Variants in LAMB1 observed in about 807,000 individuals in gnomAD.
LAMB1 encodes the protein laminin subunit beta 1, also known as laminin subunit beta-1.
A neutral mutation model predicts 222.3 loss-of-function variants in LAMB1; 121 were observed. The ratio of observed to expected loss-of-function variants is 0.54; its 90% CI spans 0.47 to 0.63. LAMB1 has a LOEUF of 0.63. LAMB1 is among the 30% of genes least tolerant of loss of function. LAMB1 has a pLI of 0.00. For missense variants in LAMB1, 2,172 were observed against 2,240.8 expected, an observed-to-expected ratio of 0.97 and a Z score of 0.62; for synonymous variants, 794 against 807.2, an observed-to-expected ratio of 0.98 and a Z score of 0.28.
In LAMB1 at chr7:107,996,760, C is replaced by T. The variant is rs1384080098; in HGVS notation, c.349+1597G>A. 3.3e-5 allele frequency among the ~76,000 whole-genome samples: 5 copies of T among 152,222 alleles called. No homozygotes were observed. In the East Asian group the frequency reaches 9.6e-4, roughly 29 times the overall value. ...AACTAAGAAAAACCTTCCTCTAGAA[C>T]TACAGCACATGATAAACTGTTTCAC... On this transcript the variant is annotated intron_variant, in intron 4 of 33. Coordinates refer to ENST00000222399, the MANE Select transcript of LAMB1 (RefSeq NM_002291.3).
In LAMB1 at chr7:108,001,825, G is replaced by A. The variant is rs2034393323; in HGVS notation, c.38-92C>T. ...CAAGCGGGGGCGGGGGAGTGGGTGCGGAGAGAGGACAGTCCATTCGGAAGA... is the reference window on the plus strand; with the variant it reads ...CAAGCGGGGGCGGGGGAGTGGGTGCAGAGAGAGGACAGTCCATTCGGAAGA... On this transcript the variant is annotated intron_variant, in intron 2 of 33. Coordinates refer to ENST00000222399, the MANE Select transcript of LAMB1 (RefSeq NM_002291.3). 4 of 1,559,676 alleles carry A rather than the reference G, an allele frequency of 2.6e-6. No homozygotes were observed. In the East Asian group the frequency reaches 7.1e-5, roughly 28 times the overall value.
chr7:107,986,305 C>A lies in LAMB1; in HGVS notation c.482G>T (p.Gly161Val), dbSNP rs752688537. 6.2e-7 allele frequency: 1 copy of A among 1,612,010 alleles called. No homozygotes were observed. Among genetic ancestry groups the A allele is most frequent in the South Asian group, 1.1e-5 (1 of 90,928 alleles). ...ERSSDFGKTW[G>V]VYRYFAYDCE... ...GTCATAGGCGAAGTATCTATACACA[C>A]CCCAGGTTTTCCCAAAGTCGGACGA... The change falls in exon 6 of 34, where the codon GGT (glycine) becomes GTT (valine). Residue 161 changes from glycine (G) to valine (V), a missense_variant. Coordinates refer to ENST00000222399, the MANE Select transcript of LAMB1 (RefSeq NM_002291.3).
At position 107,975,881 on chromosome 7, in the gene LAMB1, C is replaced by T. The variant is rs369890898; in HGVS notation, c.1001-4G>A. ...GAATGTTCATTGCAGTTACATTCTG[C>T]GTGACAAGAGCAACGTCAAGAAAAG... On this transcript the variant is annotated splice_region_variant and splice_polypyrimidine_tract_variant and intron_variant, in intron 9 of 33. Transcript: ENST00000222399. 39 of 1,611,644 alleles carry T rather than the reference C, an allele frequency of 2.4e-5. No individual in the cohort carries two copies. Among genetic ancestry groups the T allele is most frequent in the Middle Eastern group, 3.3e-4 (2 of 6,074 alleles).
chr7:107,932,410 C>G, intron 27 of LAMB1, 33 bp from the exon 28 acceptor site: 2 of 1,606,058 alleles, frequency 1.2e-6, no homozygotes, highest in Non-Finnish European at 8.5e-7. Context: ...CACAATACTT[C>G]GGATAGTGAA....
At position 107,986,289 on chromosome 7, in the gene LAMB1, G is replaced by T. The variant is rs766542299; in HGVS notation, c.498C>A (p.Phe166Leu). 6.2e-7 allele frequency: 1 copy of T among 1,613,932 alleles called. No individual in the cohort carries two copies. Among genetic ancestry groups the T allele is most frequent in the African/African-American group, 1.3e-5 (1 of 74,896 alleles). ...FGKTWGVYRY[F>L]AYDCEASFPG... Reference sequence around the variant, plus strand: ...GAAACGAGGCCTCACAGTCATAGGCGAAGTATCTATACACACCCCAGGTTT... The same window carrying T: ...GAAACGAGGCCTCACAGTCATAGGCTAAGTATCTATACACACCCCAGGTTT... Residue 166 changes from phenylalanine (F) to leucine (L), a missense_variant, in exon 6 of 34, where the codon TTC becomes TTA. Coordinates refer to ENST00000222399, the MANE Select transcript of LAMB1 (RefSeq NM_002291.3).
rs1563002475 is a variant in LAMB1, at chr7:107,980,791, A to G, written c.697T>C (p.Leu233=). 1 of 1,608,280 alleles carries G rather than the reference A, an allele frequency of 6.2e-7. No individual in the cohort carries two copies. The highest frequency in any genetic ancestry group is 8.5e-7 in the Non-Finnish European group (1 of 1,175,030). ...TGCAGTTTCACAAACTTGATTCTCA[A>G]GTTGGTAATTTTTAATAAATCTAGG... is the stretch of plus-strand genomic sequence containing the variant. ...RIQNLLKITN[L]RIKFVKLHTL... Residue 233 remains leucine, a synonymous_variant, in exon 8 of 34, where the codon TTG becomes CTG. Transcript: ENST00000222399.
At chr7:107,987,260 G>C (rs571450836) in intron 5 of LAMB1, among the ~76,000 whole-genome samples, 48 of 152,288 alleles carry the variant, frequency 3.2e-4, no homozygotes, top group African/African-American at 1.2e-3. Context: ...TAAGTAGACA[G>C]AGACACAAAG....
At chr7:107,948,606 G>T (rs2033178791) in intron 24 of LAMB1, among the ~76,000 whole-genome samples, 2 of 152,196 alleles carry the variant, frequency 1.3e-5, no homozygotes, top group South Asian at 4.1e-4. Flanking sequence ...TACGAATGAT[G>T]TATACATATA....
At position 107,961,228 on chromosome 7, in the gene LAMB1, C is replaced by T. The variant is rs1372341399; in HGVS notation, c.2087G>A (p.Ser696Asn). Residue 696 changes from serine (S) to asparagine (N), a missense_variant, in exon 17 of 34, where the codon AGC becomes AAC. Coordinates refer to ENST00000222399, the MANE Select transcript of LAMB1 (RefSeq NM_002291.3). Reference sequence around the variant, plus strand: ...TACAGAATCGATCAGCGTGTAGGGGCTCTCCACGTCGCTATCAGAGGAGGT... The same window carrying T: ...TACAGAATCGATCAGCGTGTAGGGGTTCTCCACGTCGCTATCAGAGGAGGT... ...QYTSSDSDVE[S>N]PYTLIDSLVL... 6.2e-7 allele frequency: 1 copy of T among 1,613,980 alleles called. No homozygotes were observed. The highest frequency in any genetic ancestry group is 8.5e-7 in the Non-Finnish European group (1 of 1,179,978).
chr7:107,924,492 A>C, intron 32 of LAMB1, 103 bp from the exon 33 acceptor site: 1 of 802,908 alleles, frequency 1.2e-6, no homozygotes, highest in Non-Finnish European at 1.8e-6. Context: ...ATTAAGGGCC[A>C]CCAAGGATAT....
chr7:107,975,515 C>T (rs1238417954), intron 10 of LAMB1, 102 bp from the exon 11 acceptor site: 27 of 1,304,482 alleles, frequency 2.1e-5, no homozygotes, highest in Middle Eastern at 1.9e-4. Context: ...TCACAAAAGT[C>T]GACTAAAAGC....
intron 12 of LAMB1, among the ~76,000 whole-genome samples, chr7:107,973,793 G>A (rs1204830789): frequency 6.6e-6 from 1 of 152,040 alleles, no homozygotes; most frequent in Non-Finnish European, 1.5e-5. Context: ...TTACAGGCAT[G>A]TGCCACCACA....
Position 107,959,468 on chromosome 7 carries a change from T to C in LAMB1, c.2471A>G (p.His824Arg), listed in dbSNP as rs566212054. 1.9e-6 allele frequency: 3 copies of C among 1,614,108 alleles called. No homozygotes were observed. The Admixed American group carries it at 5.0e-5, about 27-fold the overall frequency. The change falls in exon 20 of 34, where the codon CAT becomes CGT. Residue 824 changes from histidine to arginine, a missense_variant. Physicochemically the swap from His to Arg is conservative, Grantham distance 29. Transcript: ENST00000222399. The stretch of plus-strand genomic sequence containing the variant: ...GAAGGCATTGACAGATCCTTGCAGA[T>C]GGCACTCACAAGCTAAAGAAACAGG... ...GPSGCKPCEC[H>R]LQGSVNAFCN...
rs1373576941 is a variant in LAMB1 at position 107,986,225 on chromosome 7, T to C, written c.562A>G (p.Ile188Val). 3.1e-6 allele frequency: 5 copies of C among 1,614,224 alleles called. No homozygotes were observed. The highest frequency in any genetic ancestry group is 2.2e-5 in the East Asian group (1 of 44,888). ...TCAGAATATCGAGAATCACAAATTA[T>C]GTCATCGACTTTTTTCATGGGGCCA... ...STGPMKKVDDIICDSRYSDIE... is the reference protein window; with the variant it reads ...STGPMKKVDDVICDSRYSDIE... Residue 188 changes from isoleucine to valine, a missense_variant, in exon 6 of 34, where the codon ATA becomes GTA. Physicochemically the swap from Ile to Val is conservative, Grantham distance 29. Coordinates refer to ENST00000222399, the MANE Select transcript of LAMB1 (RefSeq NM_002291.3).
chr7:107,968,593 AG>A (rs2033680206), intron 13 of LAMB1, among the ~76,000 whole-genome samples: 4 of 152,184 alleles, frequency 2.6e-5, no homozygotes, highest in Admixed American at 2.6e-4. Flanking sequence ...TAGGTCAGAG[AG>A]CTGTGACATA....
Position 107,929,577 on chromosome 7 carries a change from T to G in LAMB1, c.4580A>C (p.Glu1527Ala). The change falls in exon 30 of 34, where the codon GAA becomes GCA. Residue 1527 changes from glutamate (E) to alanine (A), a missense_variant. Coordinates refer to ENST00000222399, the MANE Select transcript of LAMB1 (RefSeq NM_002291.3). ...DLDSIEAVANEVLKMEMPSTP... is the reference protein window; with the variant it reads ...DLDSIEAVANAVLKMEMPSTP... Reference sequence around the variant, plus strand: ...GCTAGGCATCTCCATTTTCAATACTTCATTAGCAACTGCTTCAATGCTGTC... The same window carrying G: ...GCTAGGCATCTCCATTTTCAATACTGCATTAGCAACTGCTTCAATGCTGTC... The G allele has an allele frequency of 1.9e-6, 3 of 1,614,118 alleles. No individual in the cohort carries two copies. Among genetic ancestry groups the G allele is most frequent in the Non-Finnish European group, 2.5e-6 (3 of 1,179,984 alleles).
intron 24 of LAMB1, 93 bp from the exon 25 acceptor site, chr7:107,940,451 T>G: frequency 8.1e-6 from 11 of 1,353,870 alleles, no homozygotes; most frequent in Non-Finnish European, 1.1e-5. Context: ...ACTGTGAAAA[T>G]GGGAAGGTGT....
At chr7:107,964,101 A>G (rs1343745401) in intron 14 of LAMB1, among the ~76,000 whole-genome samples, 2 of 152,232 alleles carry the variant, frequency 1.3e-5, no homozygotes, top group Non-Finnish European at 2.9e-5. Context: ...CAGTCTCGAA[A>G]AAAAGAAAAA....
chr7:107,931,657 T>C, intron 28 of LAMB1, 157 bp from the exon 29 acceptor site: 3 of 680,630 alleles, frequency 4.4e-6, no homozygotes, highest in Admixed American at 2.9e-5. Context: ...TATTGTATCT[T>C]ACAGACTGCA....
Sources: gnomAD v4.1 joint callset for allele counts (sites outside exome capture counted in the v4.1 genomes callset) on GRCh38, gnomAD v4.1.1 for gene constraint, MANE v1.5 for transcripts, NCBI Gene and HGNC (gene_info 2026-07-23, HGNC 2026-07-21) for gene names.